PPP4R2: variants seen among roughly 807,000 people sequenced by gnomAD.
The protein encoded by PPP4R2 is protein phosphatase 4 regulatory subunit 2.
PPP4R2 carries 13 observed loss-of-function variants against 47.2 expected under a neutral mutation model. That is an observed-to-expected ratio of 0.28 (90% CI 0.18 to 0.44). PPP4R2 has a LOEUF of 0.44. PPP4R2 is among the 20% of genes least tolerant of loss of function. The pLI, the probability that PPP4R2 is intolerant of heterozygous loss-of-function variation, is 1.00. For missense variants in PPP4R2, 421 were observed against 491.2 expected, an observed-to-expected ratio of 0.86 and a Z score of 1.35; for synonymous variants, 151 against 163.3, an observed-to-expected ratio of 0.92 and a Z score of 0.57.
chr3:72,997,891 TCTGTAAAGAGGGTGACATGTTGG>T (rs1575831087), intron 1 of PPP4R2, among the ~76,000 whole-genome samples, 163 bp from the exon 2 acceptor site: 1 of 152,204 alleles, frequency 6.6e-6, no homozygotes, highest in Non-Finnish European at 1.5e-5. Flanking sequence ...ATTCTTGTTA[TCTGTAAAGAGGGTGACATGTTGG>T]AAGTAGAACT....
At chr3:73,011,032 A>G (rs767046030) in intron 2 of PPP4R2, among the ~76,000 whole-genome samples, 11 of 150,412 alleles carry the variant, frequency 7.3e-5, no homozygotes, top group African/African-American at 2.5e-4. Context: ...CAGCTAAGTA[A>G]TGGAACTGGG....
chr3:73,036,568 A>G (rs1232185888), intron 2 of PPP4R2, among the ~76,000 whole-genome samples: 2 of 152,230 alleles, frequency 1.3e-5, no homozygotes, highest in African/African-American at 2.4e-5. Context: ...ATGTAAATGG[A>G]GATTCCCAGG....
At position 73,064,149 on chromosome 3, in the gene PPP4R2, TTGTA is replaced by T. The variant is rs918778078; in HGVS notation, c.638+7_638+10del. The T allele has an allele frequency of 6.2e-7, 1 of 1,602,322 alleles. No individual in the cohort carries two copies. The highest frequency in any genetic ancestry group is 8.5e-7 in the Non-Finnish European group (1 of 1,176,722). On this transcript the variant is annotated splice_donor_5th_base_variant and intron_variant, in intron 7 of 8. Transcript: ENST00000356692. Reference sequence around the variant, plus strand: ...CAAAATGAGGAGAAAAATCACAGGTTTGTATGTTTTATATTTAAAAACAGTGTTT... The same window carrying T: ...CAAAATGAGGAGAAAAATCACAGGTTTGTTTTATATTTAAAAACAGTGTTT...
rs1373905019 is a variant in PPP4R2 at position 73,068,172 on chromosome 3, C to G, written c.*2450C>G. ...ATGTCAGTTCTAATAGTAACTGATT[C>G]ACTTCTGAACAGAAGTGATTTTAGG... On this transcript the variant is annotated 3_prime_UTR_variant, in exon 9 of 9. Coordinates refer to ENST00000356692, the MANE Select transcript of PPP4R2 (RefSeq NM_174907.4). The G allele has an allele frequency of 3.3e-5, 5 of 152,104 alleles. No individual in the cohort carries two copies. Among genetic ancestry groups the G allele is most frequent in the Admixed American group, 2.6e-4 (4 of 15,264 alleles). 9.4% of individuals were successfully genotyped at this position (152,104 alleles called of 1,614,324 possible). A position where few individuals can be genotyped will look rare whatever the true frequency, so the allele number is the denominator to read the frequency against.
At chr3:73,002,645 T>TTTTTTTTTTG (rs1701499771) in intron 2 of PPP4R2, among the ~76,000 whole-genome samples, 1 of 86,772 alleles carries the variant, frequency 1.2e-5, no homozygotes, top group Non-Finnish European at 2.3e-5. Flanking sequence ...TTTTTTTTTT[T>TTTTTTTTTTG]TTTTTTTTTT....
At chr3:73,004,972 TGTG>T (rs1701573191) in intron 2 of PPP4R2, among the ~76,000 whole-genome samples, 1 of 150,660 alleles carries the variant, frequency 6.6e-6, no homozygotes, top group Non-Finnish European at 1.5e-5. Context: ...TGTGTGTGTG[TGTG>T]TGTGTGTGTG....
At chr3:73,059,874 G>A (rs1702809718) in intron 4 of PPP4R2, among the ~76,000 whole-genome samples, 1 of 150,570 alleles carries the variant, frequency 6.6e-6, no homozygotes. Context: ...GACGGAGGTT[G>A]CAGAGAGCTG....
chr3:73,040,499 ATTTT>A (rs11342756), intron 2 of PPP4R2, among the ~76,000 whole-genome samples: 8 of 117,578 alleles, frequency 6.8e-5, no homozygotes, highest in Admixed American at 8.7e-5. Context: ...ATGTGACCTA[ATTTT>A]TTTTTTTTTT....
intron 2 of PPP4R2, among the ~76,000 whole-genome samples, chr3:73,013,014 G>A (rs1471306037): frequency 6.7e-6 from 1 of 150,178 alleles, no homozygotes; most frequent in African/African-American, 2.5e-5. Flanking sequence ...TTCCTCTTGT[G>A]TAGATACTGA....
At chr3:73,000,758 T>C (rs1701441579) in intron 2 of PPP4R2, among the ~76,000 whole-genome samples, 1 of 152,210 alleles carries the variant, frequency 6.6e-6, no homozygotes, top group African/African-American at 2.4e-5. Context: ...ATTGTTTTTA[T>C]GTTGGAAAGA....
intron 2 of PPP4R2, among the ~76,000 whole-genome samples, chr3:73,042,682 A>G (rs1274503507): frequency 6.6e-6 from 1 of 152,002 alleles, no homozygotes; most frequent in African/African-American, 2.4e-5. Context: ...TATAACTTTT[A>G]GGGAAGCATT....
Position 73,036,996 on chromosome 3 carries a change from C to T in PPP4R2, c.117-10190C>T, listed in dbSNP as rs534475068. Among the ~76,000 whole-genome samples the T allele has an allele frequency of 3.9e-5, 6 of 152,272 alleles. No individual in the cohort carries two copies. In the East Asian group the frequency reaches 1.2e-3, roughly 29 times the overall value. ...CTAACTCATTTTTATATTTCAGTAACAGATATTTTAAGCTTTAATCATTTA... is the reference window on the plus strand; with the variant it reads ...CTAACTCATTTTTATATTTCAGTAATAGATATTTTAAGCTTTAATCATTTA... On this transcript the variant is annotated intron_variant, in intron 2 of 8. Coordinates refer to ENST00000356692, the MANE Select transcript of PPP4R2 (RefSeq NM_174907.4).
chr3:73,042,264 A>G (rs967915254), intron 2 of PPP4R2, among the ~76,000 whole-genome samples: 8 of 150,398 alleles, frequency 5.3e-5, no homozygotes, highest in Non-Finnish European at 3.0e-5. Flanking sequence ...TCTCATTTCT[A>G]CTCATCCAGT....
chr3:73,065,142 G>A lies in PPP4R2; in HGVS notation c.928+1G>A. The A allele has an allele frequency of 6.3e-7, 1 of 1,598,566 alleles. No homozygotes were observed. Among genetic ancestry groups the A allele is most frequent in the Non-Finnish European group, 8.5e-7 (1 of 1,173,338 alleles). On this transcript the variant is annotated splice_donor_variant, in intron 8 of 8. Transcript: ENST00000356692. LOFTEE classifies it high-confidence loss of function. Reference sequence around the variant, plus strand: ...GAAGAGGATGAAGAGGAAGAAGAAGGTATTTAGAGACCATCTGTAAAAGGG... The same window carrying A: ...GAAGAGGATGAAGAGGAAGAAGAAGATATTTAGAGACCATCTGTAAAAGGG...
intron 6 of PPP4R2, 77 bp from the exon 7 acceptor site, chr3:73,063,926 T>G: frequency 7.6e-7 from 1 of 1,313,140 alleles, no homozygotes; most frequent in Non-Finnish European, 1.1e-6. Context: ...ACTTCTGTGA[T>G]GTATTCACAT....
intron 2 of PPP4R2, among the ~76,000 whole-genome samples, chr3:73,007,711 A>C (rs1237125239): frequency 6.6e-6 from 1 of 151,610 alleles, no homozygotes; most frequent in Non-Finnish European, 1.5e-5. Flanking sequence ...CTGGTCTCGA[A>C]CTCTTGACCT....
intron 4 of PPP4R2, among the ~76,000 whole-genome samples, chr3:73,060,656 A>G (rs565763884): frequency 1.4e-4 from 22 of 152,342 alleles, no homozygotes; most frequent in Non-Finnish European, 2.2e-4. Flanking sequence ...GTTGCTTTGT[A>G]AGGAAAATCA....
chr3:73,004,953 G>A (rs1043299143), intron 2 of PPP4R2, among the ~76,000 whole-genome samples: 2 of 83,948 alleles, frequency 2.4e-5, no homozygotes, highest in Non-Finnish European at 4.4e-5. Context: ...TCGTGTGTGT[G>A]TGTGTGTGTG....
intron 2 of PPP4R2, among the ~76,000 whole-genome samples, chr3:73,001,233 AGTT>A (rs1430279538): frequency 1.3e-5 from 2 of 151,990 alleles, no homozygotes; most frequent in African/African-American, 4.8e-5. Flanking sequence ...CGTTTTAAAA[AGTT>A]TTTTTTTTGT....
Sources: gnomAD v4.1 joint callset for allele counts (sites outside exome capture counted in the v4.1 genomes callset) on GRCh38, gnomAD v4.1.1 for gene constraint, MANE v1.5 for transcripts, NCBI Gene and HGNC (gene_info 2026-07-23, HGNC 2026-07-21) for gene names.